DPP6: variants seen among roughly 807,000 people sequenced by gnomAD.
DPP6 encodes A-type potassium channel modulatory protein DPP6.
Under a neutral mutation model 122.6 loss-of-function variants are expected in DPP6, and 69 were observed. That is an observed-to-expected ratio of 0.56 (90% CI 0.46 to 0.69). The LOEUF (loss-of-function observed/expected upper bound fraction) is 0.69. DPP6 is among the 30% of genes least tolerant of loss of function. DPP6 has a pLI of 0.00. For missense variants in DPP6, 928 were observed against 1,116.9 expected, an observed-to-expected ratio of 0.83 and a Z score of 2.41; for synonymous variants, 418 against 433.1, an observed-to-expected ratio of 0.97 and a Z score of 0.43.
At chr7:153,935,478 C>A (rs1311223610) in intron 1 of DPP6, among the ~76,000 whole-genome samples, 4 of 152,212 alleles carry the variant, frequency 2.6e-5, no homozygotes, top group African/African-American at 9.6e-5. Flanking sequence ...CAGAGTGGAA[C>A]CTGCCCCTGG....
intron 16 of DPP6, among the ~76,000 whole-genome samples, chr7:154,835,685 C>T (rs141820118): frequency 1.3e-4 from 20 of 152,316 alleles, no homozygotes; most frequent in Admixed American, 9.2e-4. Flanking sequence ...TCCACTTTAA[C>T]AAGCCATCCG....
chr7:154,060,398 C>T (rs575506919), intron 1 of DPP6, among the ~76,000 whole-genome samples: 1 of 132,312 alleles, frequency 7.6e-6, no homozygotes, highest in African/African-American at 3.0e-5. Context: ...CTCTTAGGAC[C>T]CCCATCGCAG....
rs547876366 is a variant in DPP6, at chr7:154,104,160, C to T, written c.243+51097C>T. Among the ~76,000 whole-genome samples, 3 of 152,360 alleles carry T rather than the reference C, an allele frequency of 2.0e-5. No individual in the cohort carries two copies. In the South Asian group the frequency reaches 6.2e-4, roughly 32 times the overall value. On this transcript the variant is annotated intron_variant, in intron 1 of 25. Coordinates refer to ENST00000377770, the MANE Select transcript of DPP6 (RefSeq NM_130797.4). ...CACTTCTACGTGGCCTCACGGAACC[C>T]ACGTGGCCTTGCCTTTCTGGAATCG... is the stretch of plus-strand genomic sequence containing the variant.
rs775016101 is a variant in DPP6, at chr7:154,893,451, T to TAAAAAAAAAAAAAAAAAAAAAAAAAAAAA, written c.*971_*972insAAAAAAAAAAAAAAAAAAAAAAAAAAAAA. On this transcript the variant is annotated 3_prime_UTR_variant, in exon 26 of 26. Transcript: ENST00000377770. ...CAAGCTCTTTCCCATGACATTTGGT[T>TAAAAAAAAAAAAAAAAAAAAAAAAAAAAA]TAAAAAAAAAAAAAAAAAAAAAAAA... 3.3e-5 allele frequency: 2 copies of TAAAAAAAAAAAAAAAAAAAAAAAAAAAAA among 61,332 alleles called. 1 individual carries two copies. The highest frequency in any genetic ancestry group is 1.0e-4 in the African/African-American group (2 of 19,888). 3.8% of individuals were successfully genotyped at this position (61,332 alleles called of 1,614,324 possible).
intron 1 of DPP6, among the ~76,000 whole-genome samples, chr7:153,952,796 C>A (rs963960250): frequency 1.3e-5 from 2 of 152,180 alleles, no homozygotes; most frequent in Non-Finnish European, 2.9e-5. Context: ...ATGACACAAG[C>A]ATTCAGTTAT....
intron 1 of DPP6, among the ~76,000 whole-genome samples, chr7:154,345,221 A>G (rs1810294828): frequency 6.6e-6 from 1 of 152,088 alleles, no homozygotes; most frequent in Non-Finnish European, 1.5e-5. Context: ...GAGAGTGGAA[A>G]GAGGCTCTCA....
intron 3 of DPP6, among the ~76,000 whole-genome samples, chr7:154,478,571 C>T (rs1427481796): frequency 3.9e-5 from 6 of 151,976 alleles, no homozygotes. Context: ...TATATATAGA[C>T]ATTTAATTAC....
chr7:154,409,027 C>T (rs1816368776), intron 1 of DPP6, among the ~76,000 whole-genome samples: 2 of 151,918 alleles, frequency 1.3e-5, no homozygotes, highest in African/African-American at 4.8e-5. Flanking sequence ...GCCTGTAATC[C>T]CAGCTGCTCG....
chr7:154,671,604 AC>A (rs1185011644), intron 7 of DPP6, among the ~76,000 whole-genome samples: 1 of 151,980 alleles, frequency 6.6e-6, no homozygotes, highest in African/African-American at 2.4e-5. Flanking sequence ...AGGAAATTTA[AC>A]CCACAACTGT....
intron 1 of DPP6, among the ~76,000 whole-genome samples, chr7:153,921,796 A>G (rs1237977453): frequency 6.6e-6 from 1 of 152,226 alleles, no homozygotes; most frequent in African/African-American, 2.4e-5. Context: ...AGAGTGTCTT[A>G]CCTTCCGCTG....
chr7:154,750,368 C>A (rs558936575), intron 8 of DPP6, among the ~76,000 whole-genome samples: 1 of 152,344 alleles, frequency 6.6e-6, no homozygotes, highest in South Asian at 2.1e-4. Flanking sequence ...CCGTGAGGGC[C>A]GCCTGTGCCG....
intron 1 of DPP6, among the ~76,000 whole-genome samples, chr7:153,955,890 G>A (rs79258413): frequency 0.026 from 4,018 of 152,296 alleles, 152 homozygotes; most frequent in African/African-American, 0.091. Flanking sequence ...CTCAGATATA[G>A]CTACTGAATC....
At chr7:154,154,834 G>A (rs1796602268) in intron 1 of DPP6, among the ~76,000 whole-genome samples, 1 of 152,238 alleles carries the variant, frequency 6.6e-6, no homozygotes, top group African/African-American at 2.4e-5. Context: ...CTCCTTTGAA[G>A]GAGTGTCGAG....
At chr7:153,796,586 T>C in the DPP6 span, among the ~76,000 whole-genome samples, 1 of 152,194 alleles carries the variant, frequency 6.6e-6, no homozygotes, top group African/African-American at 2.4e-5. Flanking sequence ...TCCCTGGGAC[T>C]ATGCCTAGTA....
chr7:154,575,559 TTGTG>T (rs1328307523), intron 5 of DPP6, among the ~76,000 whole-genome samples: 3 of 99,228 alleles, frequency 3.0e-5, no homozygotes, highest in African/African-American at 1.3e-4. Context: ...GTGTGTTTAT[TTGTG>T]TGTGGTATAT....
At chr7:153,897,840 T>A (rs978429717) in intron 1 of DPP6, among the ~76,000 whole-genome samples, 14 of 152,222 alleles carry the variant, frequency 9.2e-5, no homozygotes, top group Admixed American at 2.0e-4. Context: ...CCACCAGCAG[T>A]GCACAAGTGT....
intron 1 of DPP6, among the ~76,000 whole-genome samples, chr7:154,104,131 C>T (rs186256804): frequency 1.3e-5 from 2 of 152,382 alleles, no homozygotes; most frequent in East Asian, 1.9e-4. Flanking sequence ...TTCTTTGCCA[C>T]GTTCACTTCT....
chr7:153,797,767 C>T, the DPP6 span, among the ~76,000 whole-genome samples: 2 of 152,138 alleles, frequency 1.3e-5, no homozygotes, highest in Admixed American at 6.5e-5. Context: ...TTCTTCCTGG[C>T]TTATAGGCGG....
the DPP6 span, among the ~76,000 whole-genome samples, chr7:153,788,369 A>G: frequency 1.3e-5 from 2 of 152,230 alleles, no homozygotes; most frequent in African/African-American, 4.8e-5. Flanking sequence ...CTTTCTGAAC[A>G]GTTACTCATA....
Sources: gnomAD v4.1 joint callset for allele counts (sites outside exome capture counted in the v4.1 genomes callset) on GRCh38, gnomAD v4.1.1 for gene constraint, MANE v1.5 for transcripts, NCBI Gene and HGNC (gene_info 2026-07-23, HGNC 2026-07-21) for gene names.